The following HELZ variants were observed in gnomAD, a reference collection of about 807,000 sequenced individuals.
The protein encoded by HELZ is helicase with zinc finger, also known as ATP-dependent RNA helicase with zinc finger domain.
In HELZ, 23 loss-of-function variants were observed where a neutral mutation model predicts 218.2. The observed-to-expected ratio is 0.11, with a 90% CI of 0.08 to 0.15. The LOEUF (loss-of-function observed/expected upper bound fraction) is 0.15. HELZ is among the 10% of genes least tolerant of loss of function. The pLI, the probability that HELZ is intolerant of heterozygous loss-of-function variation, is 1.00. For missense variants in HELZ, 1,813 were observed against 2,353.7 expected, an observed-to-expected ratio of 0.77 and a Z score of 4.75; for synonymous variants, 814 against 829.4, an observed-to-expected ratio of 0.98 and a Z score of 0.32.
At chr17:67,234,888 T>A (rs539462274) in intron 3 of HELZ, among the ~76,000 whole-genome samples, 2 of 152,084 alleles carry the variant, frequency 1.3e-5, no homozygotes, top group Non-Finnish European at 2.9e-5. Context: ...TTCCTGGTGG[T>A]GTGATTTAAA....
chr17:67,221,897 T>C (rs1314231607), intron 3 of HELZ, among the ~76,000 whole-genome samples: 1 of 150,444 alleles, frequency 6.6e-6, no homozygotes, highest in Non-Finnish European at 1.5e-5. Flanking sequence ...ATGCTGGGAG[T>C]GTAGTCGTGC....
chr17:67,158,378 T>C (rs1042959348), intron 17 of HELZ, among the ~76,000 whole-genome samples: 4 of 152,218 alleles, frequency 2.6e-5, no homozygotes, highest in African/African-American at 9.6e-5. Flanking sequence ...ATCTTCTCTA[T>C]TCCATTTCAC....
chr17:67,095,386 C>CA (rs1003888630), intron 31 of HELZ, among the ~76,000 whole-genome samples: 30 of 151,974 alleles, frequency 2.0e-4, no homozygotes, highest in African/African-American at 7.2e-4. Context: ...AAAAACAAAA[C>CA]AAAACAAAAA....
intron 3 of HELZ, among the ~76,000 whole-genome samples, chr17:67,238,349 CAA>C (rs71368808): frequency 1.9e-4 from 9 of 46,940 alleles, no homozygotes; most frequent in Admixed American, 2.2e-4. Flanking sequence ...CTCTGTCTCT[CAA>C]AAAAAAAAAA....
chr17:67,195,536 C>T, intron 7 of HELZ, 66 bp from the exon 8 acceptor site: 3 of 855,124 alleles, frequency 3.5e-6, no homozygotes, highest in South Asian at 1.5e-5. Flanking sequence ...TAAACTTGAA[C>T]ATTTTCAATA....
chr17:67,169,349 A>AG (rs1292819206), intron 13 of HELZ, among the ~76,000 whole-genome samples: 1 of 152,174 alleles, frequency 6.6e-6, no homozygotes, highest in South Asian at 2.1e-4. Context: ...TCTAAGATCA[A>AG]GGGGCTGGCA....
At chr17:67,208,815 T>C (rs9907599) in intron 5 of HELZ, among the ~76,000 whole-genome samples, 5,866 of 151,694 alleles carry the variant, frequency 0.039, 393 homozygotes, top group African/African-American at 0.13. Flanking sequence ...CATGTGCCTA[T>C]AGTCCCAGCT....
chr17:67,182,382 T>C (rs1482332955), intron 12 of HELZ, among the ~76,000 whole-genome samples: 1 of 151,814 alleles, frequency 6.6e-6, no homozygotes, highest in African/African-American at 2.4e-5. Context: ...GAGGTGGAGG[T>C]TGCAGTGAGC....
intron 26 of HELZ, 38 bp downstream of exon 26, chr17:67,122,932 A>T: frequency 1.4e-6 from 2 of 1,440,772 alleles, no homozygotes; most frequent in Non-Finnish European, 1.9e-6. Context: ...AACCTATTTT[A>T]CTTGATTCAA....
At chr17:67,238,509 C>T (rs1289710603) in intron 3 of HELZ, among the ~76,000 whole-genome samples, 1 of 152,034 alleles carries the variant, frequency 6.6e-6, no homozygotes, top group Non-Finnish European at 1.5e-5. Context: ...TGGTAAAGCC[C>T]TGGCTCTACT....
At chr17:67,150,195 C>T (rs1169468197) in intron 18 of HELZ, 2 of 337,886 alleles carry the variant, frequency 5.9e-6, no homozygotes, top group Admixed American at 6.1e-5. Flanking sequence ...GAGTGCAGTG[C>T]TATATGATCA....
At chr17:67,129,731 A>AAAACTTGT (rs1304363226) in intron 23 of HELZ, among the ~76,000 whole-genome samples, 1 of 152,198 alleles carries the variant, frequency 6.6e-6, no homozygotes, top group Non-Finnish European at 1.5e-5. Context: ...CAGTACATTC[A>AAAACTTGT]AAACTTGTTG....
intron 9 of HELZ, among the ~76,000 whole-genome samples, chr17:67,192,172 A>G (rs1276388865): frequency 6.6e-6 from 1 of 151,958 alleles, no homozygotes; most frequent in African/African-American, 2.4e-5. Flanking sequence ...ATTGCACTCC[A>G]GCCTGGGCAA....
Position 67,203,278 on chromosome 17 carries a change from A to G in HELZ, c.372+41T>C, listed in dbSNP as rs1435078978. ...AATATACCTAAGGAATCAAATAAAA[A>G]TTTGTTTTCAGGCATACAAAATTAG... On this transcript the variant is annotated intron_variant, in intron 6 of 32. Transcript: ENST00000358691. 1.9e-6 allele frequency: 3 copies of G among 1,597,732 alleles called. No homozygotes were observed. In the East Asian group the frequency reaches 6.7e-5, roughly 36 times the overall value.
At chr17:67,222,892 A>G (rs1374423044) in intron 3 of HELZ, among the ~76,000 whole-genome samples, 1 of 152,054 alleles carries the variant, frequency 6.6e-6, no homozygotes, top group African/African-American at 2.4e-5. Context: ...ACATCGATAC[A>G]TCTGTATCTA....
intron 5 of HELZ, among the ~76,000 whole-genome samples, chr17:67,213,456 T>C (rs1241226101): frequency 2.0e-5 from 3 of 152,014 alleles, no homozygotes; most frequent in Non-Finnish European, 4.4e-5. Context: ...ACCCTGTCTC[T>C]ACTAAAAATA....
intron 22 of HELZ, 65 bp from the exon 23 acceptor site, chr17:67,136,263 G>T (rs2038146341): frequency 9.2e-7 from 1 of 1,081,474 alleles, no homozygotes. Flanking sequence ...TATAATAAAA[G>T]CATTGCATTT....
At chr17:67,186,217 G>C (rs938338804) in intron 12 of HELZ, among the ~76,000 whole-genome samples, 10 of 151,600 alleles carry the variant, frequency 6.6e-5, no homozygotes, top group Admixed American at 6.6e-4. Context: ...GTATAAGCCA[G>C]AAATTATCCT....
At chr17:67,129,246 A>C (rs976022219) in intron 23 of HELZ, among the ~76,000 whole-genome samples, 7 of 152,150 alleles carry the variant, frequency 4.6e-5, no homozygotes, top group African/African-American at 1.7e-4. Flanking sequence ...ACATACATAT[A>C]TATACTATGT....
Sources: allele counts gnomAD v4.1 joint callset (sites outside exome capture counted in the v4.1 genomes callset), GRCh38; gene constraint gnomAD v4.1.1; transcripts MANE v1.5; gene names NCBI Gene and HGNC (gene_info 2026-07-23, HGNC 2026-07-21).